The following ZNF225 variants were observed in gnomAD, a reference collection of about 807,000 sequenced individuals.
The protein encoded by ZNF225 is zinc finger protein 225.
In ZNF225, 6 loss-of-function variants were observed where a neutral mutation model predicts 12.0. That is an observed-to-expected ratio of 0.50 (90% CI 0.27 to 0.98). ZNF225 has a LOEUF of 0.98. ZNF225 is among the 50% of genes least tolerant of loss of function. ZNF225 has a pLI of 0.11. For missense variants in ZNF225, 763 were observed against 848.2 expected (o/e 0.90, Z 1.25); for synonymous variants, 271 against 283.2 (o/e 0.96, Z 0.43).
intron 4 of ZNF225, chr19:44,128,379 C>A (rs1278955415): frequency 6.6e-6 from 1 of 152,160 alleles, no homozygotes; most frequent in African/African-American, 2.4e-5. Context: ...ACTTTATATC[C>A]TGGAAGGAAT....
chr19:44,112,262 G>C (rs1336684804), upstream of ZNF225: 1 of 152,156 alleles, frequency 6.6e-6, no homozygotes, highest in Non-Finnish European at 1.5e-5. Context: ...AGGGAAGATG[G>C]AGCCGCCATC....
At chr19:44,122,075 C>A (rs1457073278) in intron 4 of ZNF225, among the ~76,000 whole-genome samples, 1 of 152,158 alleles carries the variant, frequency 6.6e-6, no homozygotes, top group Non-Finnish European at 1.5e-5. Context: ...TTGCCTAAGC[C>A]AATGTCTAGA....
Position 44,130,840 on chromosome 19 carries a change from G to A in ZNF225, c.236-10G>A. 1 of 1,595,002 alleles carries A rather than the reference G, an allele frequency of 6.3e-7. No homozygotes were observed. Among genetic ancestry groups the A allele is most frequent in the South Asian group, 1.1e-5 (1 of 87,644 alleles). On this transcript the variant is annotated splice_polypyrimidine_tract_variant and intron_variant, in intron 4 of 4. Coordinates refer to ENST00000262894, the MANE Select transcript of ZNF225 (RefSeq NM_013362.4). ...ACTTGCCCACATCTCTTAATTCTGT[G>A]TCATTATAGGAGGCAAGATCCAAAT...
intron 4 of ZNF225, chr19:44,128,350 C>T (rs1238072880): frequency 1.3e-5 from 2 of 152,130 alleles, no homozygotes; most frequent in Non-Finnish European, 2.9e-5. Flanking sequence ...AGACATGGTG[C>T]TGTATTTTGA....
intron 4 of ZNF225, chr19:44,128,950 G>C: frequency 1.4e-6 from 1 of 708,232 alleles, no homozygotes; most frequent in Middle Eastern, 4.5e-4. Flanking sequence ...ACCAATCAGG[G>C]CATGACCCCT....
chr19:44,113,736 C>G (rs755808734), intron 1 of ZNF225, among the ~76,000 whole-genome samples, 167 bp downstream of exon 1: 1 of 152,020 alleles, frequency 6.6e-6, no homozygotes, highest in South Asian at 2.1e-4. Context: ...CTGCACCCCA[C>G]GCGCGTGGCC....
intron 4 of ZNF225, among the ~76,000 whole-genome samples, chr19:44,120,804 G>A (rs116588920): frequency 2.6e-5 from 4 of 151,936 alleles, no homozygotes; most frequent in African/African-American, 9.7e-5. Context: ...AATTTGGTGC[G>A]CTCATCACCC....
Position 44,118,519 on chromosome 19 carries a change from A to G in ZNF225, c.180A>G (p.Leu60=), listed in dbSNP as rs773921352. ...QSLHRDTFHF[L]KEEKFWMMET... ...TCCACAGAGATACTTTCCACTTCCT[A>G]AAGGAAGAAAAGTTTTGGATGATGG... The change falls in exon 4 of 5, where the codon CTA becomes CTG. Residue 60 remains leucine (L), a synonymous_variant. Transcript: ENST00000262894. 3 of 1,613,558 alleles carry G rather than the reference A, an allele frequency of 1.9e-6. No individual in the cohort carries two copies. Among genetic ancestry groups the G allele is most frequent in the South Asian group, 1.1e-5 (1 of 91,070 alleles).
At chr19:44,129,729 A>G (rs531281242) in intron 4 of ZNF225, 2 of 152,232 alleles carry the variant, frequency 1.3e-5, no homozygotes, top group East Asian at 3.9e-4. Context: ...ATAATCCTAA[A>G]TCGTAGAATT....
At chr19:44,116,487 T>C (rs1272391999) in intron 2 of ZNF225, among the ~76,000 whole-genome samples, 1 of 152,228 alleles carries the variant, frequency 6.6e-6, no homozygotes, top group African/African-American at 2.4e-5. Context: ...ATAGAAAATC[T>C]TTACTTTCAG....
chr19:44,119,188 C>T (rs1176909139), intron 4 of ZNF225, among the ~76,000 whole-genome samples: 2 of 152,080 alleles, frequency 1.3e-5, no homozygotes, highest in African/African-American at 2.4e-5. Flanking sequence ...CTTTTCATCC[C>T]CCACCACCTC....
chr19:44,131,644 T>C lies in ZNF225; in HGVS notation c.1030T>C (p.Tyr344His). The C allele has an allele frequency of 6.2e-7, 1 of 1,614,142 alleles. No individual in the cohort carries two copies. Among genetic ancestry groups the C allele is most frequent in the Non-Finnish European group, 8.5e-7 (1 of 1,180,020 alleles). The change falls in exon 5 of 5, where the codon TAC (tyrosine) becomes CAC (histidine). Residue 344 changes from tyrosine (Y) to histidine (H), a missense_variant. Coordinates refer to ENST00000262894, the MANE Select transcript of ZNF225 (RefSeq NM_013362.4). ...CATGGTCCACACAGGAGAGAAACGG[T>C]ACAAATGTGAGGAATGTGGAAAACG... Reference protein sequence around the residue: ...HRMVHTGEKRYKCEECGKRFI... With the variant: ...HRMVHTGEKRHKCEECGKRFI...
rs532375743 is a variant in ZNF225, at chr19:44,133,437, A to C, written c.*702A>C. ...ATTGTGGAAATTGGTTTTCAAAAAA[A>C]AATTCTCTAGTTTGAATATAGAGAA... is the stretch of plus-strand genomic sequence containing the variant. On this transcript the variant is annotated 3_prime_UTR_variant, in exon 5 of 5. Transcript: ENST00000262894. 6.6e-6 allele frequency: 1 copy of C among 152,336 alleles called. No individual in the cohort carries two copies. The highest frequency in any genetic ancestry group is 2.4e-5 in the African/African-American group (1 of 41,586). The allele number at this position is 152,336 out of a possible 1,614,324, so 9.4% of individuals were successfully genotyped here. A position where few individuals can be genotyped will look rare whatever the true frequency, so the allele number is the denominator to read the frequency against.
At chr19:44,114,606 G>A (rs1913394238) in intron 1 of ZNF225, among the ~76,000 whole-genome samples, 1 of 152,080 alleles carries the variant, frequency 6.6e-6, no homozygotes, top group Non-Finnish European at 1.5e-5. Flanking sequence ...CACCTCCTGG[G>A]TTCAAGCTAT....
chr19:44,115,389 T>C (rs7252108), intron 1 of ZNF225, among the ~76,000 whole-genome samples: 149,231 of 152,314 alleles, frequency 0.98, 73,116 homozygotes, highest in East Asian at 1. Flanking sequence ...AGACCACCTA[T>C]CTACTTTCTC....
At chr19:44,128,942 C>A in intron 4 of ZNF225, 1 of 628,190 alleles carries the variant, frequency 1.6e-6, no homozygotes, top group Non-Finnish European at 2.3e-6. Context: ...CACATGGAAC[C>A]AATCAGGGCA....
chr19:44,114,346 A>G, intron 1 of ZNF225: 1 of 409,828 alleles, frequency 2.4e-6, no homozygotes, highest in Non-Finnish European at 4.4e-6. Context: ...AAGATAGCAT[A>G]GCTTTCATCG....
At chr19:44,117,339 C>A (rs772686135) in intron 2 of ZNF225, among the ~76,000 whole-genome samples, 3 of 152,184 alleles carry the variant, frequency 2.0e-5, no homozygotes, top group African/African-American at 4.8e-5. Context: ...ATCAATGCTG[C>A]AATCAATGTA....
At chr19:44,127,122 CA>C (rs1314449441) in intron 4 of ZNF225, among the ~76,000 whole-genome samples, 1 of 152,246 alleles carries the variant, frequency 6.6e-6, no homozygotes, top group Non-Finnish European at 1.5e-5. Context: ...TGGAGTTCCC[CA>C]CCCCCTGCTC....
Sources: gnomAD v4.1 joint callset for allele counts (sites outside exome capture counted in the v4.1 genomes callset) on GRCh38, gnomAD v4.1.1 for gene constraint, MANE v1.5 for transcripts, NCBI Gene and HGNC (gene_info 2026-07-23, HGNC 2026-07-21) for gene names.